PDGFRB: variants seen among roughly 807,000 people sequenced by gnomAD.
PDGFRB encodes platelet derived growth factor receptor beta.
Under a neutral mutation model 120.2 loss-of-function variants are expected in PDGFRB, and 42 were observed. The ratio of observed to expected loss-of-function variants is 0.35; its 90% CI spans 0.27 to 0.45. The LOEUF is 0.45. Among genes scored for constraint, PDGFRB ranks in the 20% least tolerant of loss-of-function variants. The probability of loss-of-function intolerance (pLI) is 1.00; values close to 1 mark genes in which losing one functional copy is unlikely to be tolerated. For synonymous variants in PDGFRB, 586 were observed against 606.8 expected, an observed-to-expected ratio of 0.97 and a Z score of 0.50; for missense variants, 1,149 against 1,476.3, an observed-to-expected ratio of 0.78 and a Z score of 3.63.
chr5:150,146,104 G>C (rs549216378), intron 1 of PDGFRB, among the ~76,000 whole-genome samples: 33 of 152,010 alleles, frequency 2.2e-4, no homozygotes, highest in Admixed American at 1.2e-3. Flanking sequence ...CCCATGACAG[G>C]GCTCTCACCA....
rs766073277 is a variant in PDGFRB, at chr5:150,121,975, T to C, written c.2249A>G (p.Asp750Gly). The change falls in exon 16 of 23, where the codon GAC (aspartate) becomes GGC (glycine). Residue 750 changes from aspartate to glycine, a missense_variant. Transcript: ENST00000261799. The surrounding 1 kb of genome is among the most constrained non-coding windows in gnomAD (Gnocchi z 4.1). Reference sequence around the variant, plus strand: ...TTTCATGTCCAGCATGGGCACATAGTCCACCGACTCGTCCTTGCTCATGTC... The same window carrying C: ...TTTCATGTCCAGCATGGGCACATAGCCCACCGACTCGTCCTTGCTCATGTC... Reference protein sequence around the residue: ...YMDMSKDESVDYVPMLDMKGD... With the variant: ...YMDMSKDESVGYVPMLDMKGD... 2 of 1,613,452 alleles carry C rather than the reference T, an allele frequency of 1.2e-6. No homozygotes were observed. Among genetic ancestry groups the C allele is most frequent in the South Asian group, 2.2e-5 (2 of 91,060 alleles).
chr5:150,133,087 G>C (rs909785591), intron 6 of PDGFRB, 145 bp from the exon 7 acceptor site: 1 of 642,792 alleles, frequency 1.6e-6, no homozygotes, highest in Admixed American at 2.9e-5. Context: ...AATTGGGCTG[G>C]GGACAGGGCC....
Position 150,122,035 on chromosome 5 carries a change from A to T in PDGFRB, c.2189T>A (p.Val730Glu). 6.2e-7 allele frequency: 1 copy of T among 1,613,124 alleles called. No individual in the cohort carries two copies. Among genetic ancestry groups the T allele is most frequent in the Non-Finnish European group, 8.5e-7 (1 of 1,179,842 alleles). Residue 730 changes from valine (V) to glutamate (E), a missense_variant, in exon 16 of 23, where the codon GTG becomes GAG. Val to Glu is a moderately radical substitution (Grantham distance 121). Around this residue, in one of 3 missense-constraint regions of PDGFRB, gnomAD observed 879 missense variants for 1,108.6 expected, o/e 0.79. Coordinates refer to ENST00000261799, the MANE Select transcript of PDGFRB (RefSeq NM_002609.4). ...LPVGLPLPSH[V>E]SLTGESDGGY... Reference sequence around the variant, plus strand: ...ACCGTCGCTCTCCCCGGTCAAGGACACATGGCTGGGGGTAAAGGAGCATCA... The same window carrying T: ...ACCGTCGCTCTCCCCGGTCAAGGACTCATGGCTGGGGGTAAAGGAGCATCA...
intron 11 of PDGFRB, among the ~76,000 whole-genome samples, 195 bp from the exon 12 acceptor site, chr5:150,125,772 G>A (rs994838131): frequency 6.6e-6 from 1 of 152,212 alleles, no homozygotes; most frequent in Non-Finnish European, 1.5e-5. Flanking sequence ...GGACCAAGGG[G>A]CCCCAGAGGA....
rs1562020886 is a variant in PDGFRB at position 150,141,815 on chromosome 5, A to G, written c.-6-4762T>C. Reference sequence around the variant, plus strand: ...GACGATGCCATTTTCTGAGATGAGAATGAGGTCAAAGAGCAGGAGTGAGAG... The same window carrying G: ...GACGATGCCATTTTCTGAGATGAGAGTGAGGTCAAAGAGCAGGAGTGAGAG... On this transcript the variant is annotated intron_variant, in intron 1 of 22. Transcript: ENST00000261799. Among the ~76,000 whole-genome samples the G allele has an allele frequency of 2.0e-5, 3 of 152,228 alleles. No homozygotes were observed. In the South Asian group the frequency reaches 6.2e-4, roughly 32 times the overall value.
rs544056265 is a variant in PDGFRB at position 150,155,655 on chromosome 5, G to C, written c.-265C>G. 6.0e-4 allele frequency: 240 copies of C among 398,722 alleles called. No individual in the cohort carries two copies. The highest frequency in any genetic ancestry group is 9.2e-4 in the Non-Finnish European group (207 of 226,132). 24.7% of individuals were successfully genotyped at this position (398,722 alleles called of 1,614,324 possible). A position where few individuals can be genotyped will look rare whatever the true frequency, so the allele number is the denominator to read the frequency against. Reference sequence around the variant, plus strand: ...TCACTCCCCAAGCATCCTTCGGGAGGAGCAGAGCCGCCAGAGGGGCCGCCC... The same window carrying C: ...TCACTCCCCAAGCATCCTTCGGGAGCAGCAGAGCCGCCAGAGGGGCCGCCC... On this transcript the variant is annotated 5_prime_UTR_variant, in exon 1 of 23. Coordinates refer to ENST00000261799, the MANE Select transcript of PDGFRB (RefSeq NM_002609.4).
intron 12 of PDGFRB, 119 bp from the exon 13 acceptor site, chr5:150,124,950 G>A (rs1277016485): frequency 3.4e-6 from 2 of 591,332 alleles, no homozygotes; most frequent in Admixed American, 2.9e-5. Context: ...GCCCAGTGAG[G>A]GGAAAGAGCC....
In PDGFRB at chr5:150,125,577, T is replaced by C. The variant is rs1356869976; in HGVS notation, c.1675A>G (p.Lys559Glu). The C allele has an allele frequency of 6.2e-7, 1 of 1,613,918 alleles. No homozygotes were observed. Among genetic ancestry groups the C allele is most frequent in the South Asian group, 1.1e-5 (1 of 91,052 alleles). ...LIILIMLWQK[K>E]PRYEIRWKVI... is the part of the protein sequence containing the mutation. ...TTCCATCGGATCTCGTAACGTGGCTTCTGGAGGACCAACCCCAGGAATTAG... is the reference window on the plus strand; with the variant it reads ...TTCCATCGGATCTCGTAACGTGGCTCCTGGAGGACCAACCCCAGGAATTAG... Residue 559 changes from lysine to glutamate, a missense_variant and splice_region_variant, in exon 12 of 23, where the codon AAG becomes GAG. Physicochemically the swap from Lys to Glu is moderately conservative, Grantham distance 56 (BLOSUM62 1). This residue lies in a region of PDGFRB where 879 missense variants were observed against 1,108.6 expected (regional missense o/e 0.79). Coordinates refer to ENST00000261799, the MANE Select transcript of PDGFRB (RefSeq NM_002609.4).
intron 22 of PDGFRB, among the ~76,000 whole-genome samples, chr5:150,116,336 G>T (rs76848833): frequency 3.3e-5 from 5 of 152,146 alleles, no homozygotes. Flanking sequence ...ACACTGGCCG[G>T]GCGTGGTGGC....
At chr5:150,148,904 A>G (rs1430092871) in intron 1 of PDGFRB, among the ~76,000 whole-genome samples, 1 of 152,166 alleles carries the variant, frequency 6.6e-6, no homozygotes, top group East Asian at 1.9e-4. Context: ...GAGAGATGAA[A>G]GGCATCTGGG....
rs762547986 is a variant in PDGFRB at position 150,126,502 on chromosome 5, G to A, written c.1674+18C>T. 2.9e-6 allele frequency: 4 copies of A among 1,369,168 alleles called. No homozygotes were observed. In the South Asian group the frequency reaches 3.5e-5, roughly 12 times the overall value. 84.8% of individuals were successfully genotyped at this position (1,369,168 alleles called of 1,614,324 possible). On this transcript the variant is annotated intron_variant, in intron 11 of 22. Transcript: ENST00000261799. ...ATGATGTGCCAGTCTTCACCCACTG[G>A]GCCAGGGAGGGGCTTACCTTCTGCC...
At chr5:150,154,041 A>G (rs1761156401) in intron 1 of PDGFRB, 1 of 152,202 alleles carries the variant, frequency 6.6e-6, no homozygotes, top group Non-Finnish European at 1.5e-5. Flanking sequence ...TGGGGCCTGA[A>G]CAATCTCTGA....
chr5:150,145,177 A>G (rs1473601157), intron 1 of PDGFRB, among the ~76,000 whole-genome samples: 1 of 152,152 alleles, frequency 6.6e-6, no homozygotes, highest in Non-Finnish European at 1.5e-5. Flanking sequence ...TCAGTGATCT[A>G]CTTCCACTTA....
Position 150,118,847 on chromosome 5 carries a change from T to G in PDGFRB, c.2804A>C (p.Glu935Ala). 6.2e-7 allele frequency: 1 copy of G among 1,604,588 alleles called. No homozygotes were observed. Among genetic ancestry groups the G allele is most frequent in the South Asian group, 1.1e-5 (1 of 90,718 alleles). Residue 935 changes from glutamate to alanine, a missense_variant, in exon 21 of 23, where the codon GAG (glutamate) becomes GCG (alanine). Glu to Ala is a moderately radical substitution (Grantham distance 107). This residue lies in a region of PDGFRB where 68 missense variants were observed against 153.3 expected (regional missense o/e 0.44). Transcript: ENST00000261799. Reference protein sequence around the residue: ...QPAHASDEIYEIMQKCWEEKF... With the variant: ...QPAHASDEIYAIMQKCWEEKF... ...CTCTTCCCAGCACTTCTGCATGATCTCATAGCTGGGGATAGGGAGAAGGGT... is the reference window on the plus strand; with the variant it reads ...CTCTTCCCAGCACTTCTGCATGATCGCATAGCTGGGGATAGGGAGAAGGGT...
intron 1 of PDGFRB, among the ~76,000 whole-genome samples, chr5:150,142,522 A>C (rs1760811434): frequency 6.6e-6 from 1 of 151,934 alleles, no homozygotes; most frequent in Admixed American, 6.6e-5. Flanking sequence ...TGTTCTCCGT[A>C]CCGGGGCACT....
Position 150,121,357 on chromosome 5 carries a change from T to C in PDGFRB, c.2345-35A>G, listed in dbSNP as rs758804282. 2 of 953,772 alleles carry C rather than the reference T, an allele frequency of 2.1e-6. No homozygotes were observed. Among genetic ancestry groups the C allele is most frequent in the Admixed American group, 1.7e-5 (1 of 59,252 alleles). 59.1% of individuals were successfully genotyped at this position (953,772 alleles called of 1,614,324 possible). The stretch of plus-strand genomic sequence containing the variant: ...AAGCAGAGGGTCACCTGCTATCTTA[T>C]ATCTCCTTCTGGCCCACAGGACCCC... On this transcript the variant is annotated intron_variant, in intron 16 of 22. Coordinates refer to ENST00000261799, the MANE Select transcript of PDGFRB (RefSeq NM_002609.4). The surrounding 1 kb of genome is among the most constrained non-coding windows in gnomAD (Gnocchi z 4.1).
At chr5:150,149,670 C>T (rs755406533) in intron 1 of PDGFRB, among the ~76,000 whole-genome samples, 1 of 152,184 alleles carries the variant, frequency 6.6e-6, no homozygotes, top group East Asian at 1.9e-4. Flanking sequence ...CACAGTCCAC[C>T]AGGTCAAACC....
At position 150,155,511 on chromosome 5, in the gene PDGFRB, A is replaced by T; in HGVS notation, c.-121T>A. The T allele has an allele frequency of 2.5e-6, 1 of 398,378 alleles. No homozygotes were observed. Among genetic ancestry groups the T allele is most frequent in the Non-Finnish European group, 4.4e-6 (1 of 226,062 alleles). 24.7% of individuals were successfully genotyped at this position (398,378 alleles called of 1,614,324 possible). On this transcript the variant is annotated 5_prime_UTR_variant, in exon 1 of 23. Transcript: ENST00000261799. ...TTATCAGAAAGACTGCTGGTCCCAG[A>T]GTGGGTAACAGCTGAGTAGAAGGAC...
rs73277745 is a variant in PDGFRB, at chr5:150,130,330, C to A, written c.1367+209G>T. ...TCTGGGGCTCAGACCCTGCACTTTG[C>A]TAGGCCAAACTGCCCAGGGGTAAAG... On this transcript the variant is annotated intron_variant, in intron 9 of 22. Transcript: ENST00000261799. 0.031 allele frequency among the ~76,000 whole-genome samples: 4,666 copies of A among 152,176 alleles called. 257 individuals carry two copies. Among genetic ancestry groups the A allele is most frequent in the African/African-American group, 0.11 (4,459 of 41,490 alleles).
Sources: allele counts gnomAD v4.1 joint callset (sites outside exome capture counted in the v4.1 genomes callset), GRCh38; gene constraint gnomAD v4.1.1; regional missense constraint gnomAD v4.1.1; non-coding constraint Gnocchi (gnomAD v3.1); transcripts MANE v1.5; gene names NCBI Gene and HGNC (gene_info 2026-07-23, HGNC 2026-07-21).